SDK1: variants seen among roughly 807,000 people sequenced by gnomAD.
SDK1 encodes the protein sidekick cell adhesion molecule 1.
A neutral mutation model predicts 245.5 loss-of-function variants in SDK1; 157 were observed. That is an observed-to-expected ratio of 0.64 (90% CI 0.56 to 0.73). The LOEUF (loss-of-function observed/expected upper bound fraction) is 0.73. Ranked by LOEUF, SDK1 falls within the 30% of genes least tolerant of loss-of-function variation. The pLI is 0.00. For missense variants in SDK1, 3,583 were observed against 3,002.3 expected, an observed-to-expected ratio of 1.19 and a Z score of -4.52; for synonymous variants, 1,647 against 1,278.5, an observed-to-expected ratio of 1.29 and a Z score of -6.15.
At chr7:3,702,297 CTAAA>C (rs1562382240) in intron 4 of SDK1, among the ~76,000 whole-genome samples, 1 of 152,056 alleles carries the variant, frequency 6.6e-6, no homozygotes, top group East Asian at 1.9e-4. Context: ...AAATCTAATG[CTAAA>C]ATGGGCAAAA....
chr7:3,649,406 C>T (rs911072218), intron 4 of SDK1, among the ~76,000 whole-genome samples: 35 of 152,136 alleles, frequency 2.3e-4, no homozygotes, highest in African/African-American at 8.4e-4. Flanking sequence ...GTGGGCCCCT[C>T]CTGCTGTTGG....
intron 4 of SDK1, among the ~76,000 whole-genome samples, chr7:3,663,682 C>G (rs1452501244): frequency 6.6e-6 from 1 of 152,150 alleles, no homozygotes; most frequent in African/African-American, 2.4e-5. Context: ...CTGGGCAAAC[C>G]GAGATGGCTG....
In SDK1 at chr7:4,016,557, C is replaced by G. The variant is rs569042866; in HGVS notation, c.2421-614C>G. Reference sequence around the variant, plus strand: ...TACATTATCTTTTTCATAAACACTACTTTAAATTTCCACCTTTAGTATGCT... The same window carrying G: ...TACATTATCTTTTTCATAAACACTAGTTTAAATTTCCACCTTTAGTATGCT... On this transcript the variant is annotated intron_variant, in intron 16 of 44. Transcript: ENST00000404826. 2.6e-5 allele frequency among the ~76,000 whole-genome samples: 4 copies of G among 152,364 alleles called. No individual in the cohort carries two copies. In the South Asian group the frequency reaches 6.2e-4, roughly 24 times the overall value.
At chr7:3,438,846 A>G (rs1780105437) in intron 1 of SDK1, among the ~76,000 whole-genome samples, 1 of 124,504 alleles carries the variant, frequency 8.0e-6, no homozygotes, top group Admixed American at 9.0e-5. Flanking sequence ...CCTTTGTATT[A>G]ATATTTTTTT....
intron 14 of SDK1, among the ~76,000 whole-genome samples, chr7:3,992,312 G>A (rs906847516): frequency 6.6e-6 from 1 of 152,208 alleles, no homozygotes; most frequent in Non-Finnish European, 1.5e-5. Flanking sequence ...GGAGATACAC[G>A]TGGCCCTCTG....
Position 4,067,952 on chromosome 7 carries a change from C to A in SDK1, c.3010+16C>A. The A allele has an allele frequency of 6.4e-7, 1 of 1,571,102 alleles. No individual in the cohort carries two copies. The highest frequency in any genetic ancestry group is 1.1e-5 in the South Asian group (1 of 87,716). On this transcript the variant is annotated intron_variant, in intron 20 of 44. Transcript: ENST00000404826. ...ATCATTACTGGTAAGTAGGCCTGTC[C>A]TTCAAAAAAGGAAAAGATAAGTTTG...
At chr7:3,565,946 G>A (rs1377916238) in intron 1 of SDK1, among the ~76,000 whole-genome samples, 1 of 152,150 alleles carries the variant, frequency 6.6e-6, no homozygotes, top group Non-Finnish European at 1.5e-5. Flanking sequence ...AACTATAAGA[G>A]TCAATTTATT....
chr7:3,715,137 C>T (rs1416436633), intron 4 of SDK1, among the ~76,000 whole-genome samples: 1 of 151,982 alleles, frequency 6.6e-6, no homozygotes, highest in Non-Finnish European at 1.5e-5. Context: ...AAAATAATTG[C>T]ACATATAATT....
At chr7:3,492,513 AAC>A (rs1032268715) in intron 1 of SDK1, among the ~76,000 whole-genome samples, 22 of 152,324 alleles carry the variant, frequency 1.4e-4, no homozygotes, top group African/African-American at 4.8e-4. Context: ...CAAAAACAAA[AAC>A]AACAAAAAAA....
At chr7:3,810,877 T>C (rs570561971) in intron 4 of SDK1, among the ~76,000 whole-genome samples, 178 of 152,336 alleles carry the variant, frequency 1.2e-3, no homozygotes, top group Middle Eastern at 3.4e-3. Context: ...TTTGCTAAAT[T>C]ATTACATGTA....
chr7:4,179,418 G>T (rs1296181914), intron 35 of SDK1, among the ~76,000 whole-genome samples: 3 of 152,032 alleles, frequency 2.0e-5, no homozygotes, highest in Non-Finnish European at 4.4e-5. Context: ...GGGCGGCTCG[G>T]ACTGCGGGGG....
chr7:3,638,939 G>C (rs1782558973), intron 2 of SDK1, 65 bp from the exon 3 acceptor site: 5 of 913,160 alleles, frequency 5.5e-6, no homozygotes, highest in Non-Finnish European at 8.5e-6. Context: ...AATAGCATCT[G>C]ATGGTTAGAT....
chr7:3,414,512 T>A (rs1779308165), intron 1 of SDK1, among the ~76,000 whole-genome samples: 1 of 152,196 alleles, frequency 6.6e-6, no homozygotes, highest in Non-Finnish European at 1.5e-5. Context: ...TATCTATAGA[T>A]CTTCCTTGAT....
intron 4 of SDK1, among the ~76,000 whole-genome samples, chr7:3,683,839 C>T (rs564042400): frequency 6.6e-6 from 1 of 152,214 alleles, no homozygotes. Context: ...GACACAGACA[C>T]AAAATGCTCC....
At chr7:4,183,959 C>G (rs1782737716) in intron 35 of SDK1, among the ~76,000 whole-genome samples, 1 of 152,206 alleles carries the variant, frequency 6.6e-6, no homozygotes, top group African/African-American at 2.4e-5. Flanking sequence ...AAGTGGACAT[C>G]TCAGTTGTTT....
chr7:3,896,865 A>G (rs567169730), intron 5 of SDK1, among the ~76,000 whole-genome samples: 1 of 152,338 alleles, frequency 6.6e-6, no homozygotes, highest in South Asian at 2.1e-4. Context: ...ACACTGCTAT[A>G]AATAACTACC....
rs546325229 is a variant in SDK1 at position 4,065,462 on chromosome 7, T to C, written c.2912-2376T>C. On this transcript the variant is annotated intron_variant, in intron 19 of 44. Coordinates refer to ENST00000404826, the MANE Select transcript of SDK1 (RefSeq NM_152744.4). ...AGGAATCCAGGAAGCAGAAACATAATATAAAAGGAGCAAAAAGGTTTCTTT... is the reference window on the plus strand; with the variant it reads ...AGGAATCCAGGAAGCAGAAACATAACATAAAAGGAGCAAAAAGGTTTCTTT... 3.9e-3 allele frequency among the ~76,000 whole-genome samples: 509 copies of C among 132,176 alleles called. 3 individuals carry two copies. Among genetic ancestry groups the C allele is most frequent in the South Asian group, 0.034 (150 of 4,410 alleles). 86.7% of individuals were successfully genotyped at this position (132,176 alleles called of 152,430 possible).
At chr7:3,986,483 G>A (rs1783836037) in intron 13 of SDK1, among the ~76,000 whole-genome samples, 1 of 152,196 alleles carries the variant, frequency 6.6e-6, no homozygotes, top group Admixed American at 6.5e-5. Context: ...ACATGTATCG[G>A]GACTTTTCCT....
chr7:4,013,537 G>T (rs935224152), intron 16 of SDK1, among the ~76,000 whole-genome samples: 1 of 152,196 alleles, frequency 6.6e-6, no homozygotes, highest in African/African-American at 2.4e-5. Context: ...GTGAGAAATT[G>T]GGAAATGTTG....
Sources: gnomAD v4.1 joint callset for allele counts (sites outside exome capture counted in the v4.1 genomes callset) on GRCh38, gnomAD v4.1.1 for gene constraint, MANE v1.5 for transcripts, NCBI Gene and HGNC (gene_info 2026-07-23, HGNC 2026-07-21) for gene names.